DMD: variants seen among roughly 807,000 people sequenced by gnomAD.
The protein encoded by DMD is mutant dystrophin.
DMD carries 63 observed loss-of-function variants against 330.1 expected under a neutral mutation model. That is an observed-to-expected ratio of 0.19 (90% CI 0.16 to 0.24). The LOEUF (loss-of-function observed/expected upper bound fraction) is 0.24, where lower values mean the gene tolerates loss of function less well. Ranked by LOEUF, DMD falls within the 10% of genes least tolerant of loss-of-function variation. DMD has a pLI of 1.00. For missense variants in DMD, 3,344 were observed against 2,684.1 expected, an observed-to-expected ratio of 1.25 and a Z score of -5.43; for synonymous variants, 1,223 against 959.8, an observed-to-expected ratio of 1.27 and a Z score of -5.07.
intron 1 of DMD, among the ~76,000 whole-genome samples, chrX:33,248,045 C>T (rs1603424953): frequency 1.8e-5 from 2 of 110,886 alleles, no homozygotes; most frequent in South Asian, 3.7e-4. Context: ...TATTTATTTA[C>T]TTATTTATTT....
chrX:32,566,555 A>C (rs2149098915), intron 15 of DMD, among the ~76,000 whole-genome samples: 1 of 112,354 alleles, frequency 8.9e-6, no homozygotes, highest in East Asian at 2.8e-4. Flanking sequence ...TAAAAGAACT[A>C]AGTCGCTGGG....
At chrX:32,407,753 G>A (rs1248550157) in intron 30 of DMD, among the ~76,000 whole-genome samples, 1 of 110,199 alleles carries the variant, frequency 9.1e-6, no homozygotes, top group Non-Finnish European at 1.9e-5. Context: ...AATGGATTTA[G>A]AAAATGTGGC....
intron 44 of DMD, among the ~76,000 whole-genome samples, chrX:32,061,839 A>C (rs1039845972): frequency 9.0e-6 from 1 of 111,603 alleles, no homozygotes; most frequent in African/African-American, 3.3e-5. Context: ...AAGGAAACGC[A>C]TAGGAAAAAC....
intron 1 of DMD, among the ~76,000 whole-genome samples, chrX:33,103,788 G>T (rs183560974): frequency 2.7e-5 from 3 of 111,703 alleles, no homozygotes. Flanking sequence ...TTTAAAAAAT[G>T]TAAACTCAGA....
intron 1 of DMD, among the ~76,000 whole-genome samples, chrX:33,072,907 T>C (rs375508180): frequency 1.2e-4 from 13 of 112,003 alleles, no homozygotes; most frequent in Admixed American, 1.1e-3. Context: ...CCTCCTGATT[T>C]ACTGACTAAA....
chrX:32,506,429 A>G (rs1483993648), intron 18 of DMD, among the ~76,000 whole-genome samples: 1 of 110,513 alleles, frequency 9.0e-6, no homozygotes, highest in African/African-American at 3.3e-5. Context: ...CTAAAAAAAA[A>G]AAAAAAAGCC....
intron 44 of DMD, among the ~76,000 whole-genome samples, chrX:32,161,489 C>T (rs892979759): frequency 9.0e-6 from 1 of 111,541 alleles, no homozygotes; most frequent in Admixed American, 9.6e-5. Flanking sequence ...CTTTTATTTA[C>T]ATAATAGCAA....
At position 32,087,031 on chromosome X, in the gene DMD, C is replaced by T. The variant is rs1002739873; in HGVS notation, c.6439-118517G>A. On this transcript the variant is annotated intron_variant, in intron 44 of 78. Coordinates refer to ENST00000357033, the MANE Select transcript of DMD (RefSeq NM_004006.3). Reference sequence around the variant, plus strand: ...AGGTTTTTGATGTTAAGAATTGAAACGAGAGTAGTATCCTTATAAAGCATT... The same window carrying T: ...AGGTTTTTGATGTTAAGAATTGAAATGAGAGTAGTATCCTTATAAAGCATT... Among the ~76,000 whole-genome samples the T allele has an allele frequency of 3.6e-5, 4 of 111,393 alleles. 1 individual carries two copies. The highest frequency in any genetic ancestry group is 9.8e-5 in the African/African-American group (3 of 30,659).
At position 31,399,752 on chromosome X, in the gene DMD, A is replaced by G. The variant is rs1019355936; in HGVS notation, c.9084+44729T>C. Among the ~76,000 whole-genome samples the G allele has an allele frequency of 1.7e-4, 19 of 111,927 alleles. No individual in the cohort carries two copies. In the Admixed American group the frequency reaches 1.7e-3, roughly 10 times the overall value. ...ACTAGCCATAGTGATAAAGATGGAT[A>G]AAAGTCTGGGGACAGGGAGGCTAAT... On this transcript the variant is annotated intron_variant, in intron 60 of 78. Coordinates refer to ENST00000357033, the MANE Select transcript of DMD (RefSeq NM_004006.3).
In DMD at chrX:32,472,223, T is replaced by C; in HGVS notation, c.2890A>G (p.Ile964Val). The change falls in exon 22 of 79, where the codon ATA becomes GTA. Residue 964 changes from isoleucine to valine, a missense_variant. Coordinates refer to ENST00000357033, the MANE Select transcript of DMD (RefSeq NM_004006.3). ...TAGTCGGTGACACTAAGTTGAGGTA[T>C]GGAGAGTTTGGTTTCTGACTGCTGG... ...WVQQSETKLSIPQLSVTDYEI... is the reference protein window; with the variant it reads ...WVQQSETKLSVPQLSVTDYEI... The C allele has an allele frequency of 8.3e-7, 1 of 1,210,713 alleles. No homozygotes were observed. Among genetic ancestry groups the C allele is most frequent in the Admixed American group, 2.2e-5 (1 of 46,001 alleles).
chrX:33,335,215 T>C (rs980872018), intron 1 of DMD, among the ~76,000 whole-genome samples: 11 of 110,229 alleles, frequency 1.0e-4, no homozygotes, highest in Non-Finnish European at 1.7e-4. Context: ...ATGGTGTCCT[T>C]CTAAAATATG....
chrX:32,728,285 T>G (rs1176473599), intron 7 of DMD, among the ~76,000 whole-genome samples: 1 of 112,030 alleles, frequency 8.9e-6, no homozygotes, highest in Non-Finnish European at 1.9e-5. Flanking sequence ...CAAGTCAGTA[T>G]TACACGCATA....
intron 74 of DMD, among the ~76,000 whole-genome samples, chrX:31,154,124 C>T (rs774631072): frequency 7.9e-4 from 88 of 111,112 alleles, no homozygotes; most frequent in Non-Finnish European, 1.2e-3. Context: ...TTATCAATTA[C>T]GCATTTGAAT....
At chrX:32,295,235 T>C (rs2097490638) in intron 42 of DMD, among the ~76,000 whole-genome samples, 1 of 112,111 alleles carries the variant, frequency 8.9e-6, no homozygotes, top group Non-Finnish European at 1.9e-5. Flanking sequence ...CACGAATTTA[T>C]ACAACTCGAG....
chrX:32,459,598 A>T (rs2098375832), intron 25 of DMD, among the ~76,000 whole-genome samples: 1 of 111,301 alleles, frequency 9.0e-6, no homozygotes, highest in Admixed American at 9.6e-5. Flanking sequence ...TAGTCACTCT[A>T]GTAAGCTATT....
intron 7 of DMD, among the ~76,000 whole-genome samples, chrX:32,748,620 ATC>A (rs2070393955): frequency 8.9e-6 from 1 of 111,759 alleles, no homozygotes; most frequent in Non-Finnish European, 1.9e-5. Context: ...TAAGAATGAT[ATC>A]TCAAACCATA....
At chrX:31,131,748 AC>A (rs761079947) in intron 77 of DMD, among the ~76,000 whole-genome samples, 45 of 111,981 alleles carry the variant, frequency 4.0e-4, no homozygotes, top group African/African-American at 1.4e-3. Context: ...AAATTAAAAA[AC>A]AAAAGTGCTT....
intron 11 of DMD, among the ~76,000 whole-genome samples, chrX:32,643,255 G>T (rs1003992321): frequency 2.7e-5 from 3 of 109,791 alleles, no homozygotes; most frequent in African/African-American, 9.9e-5. Context: ...TTAAAAATGT[G>T]TTTTTCCCCT....
intron 64 of DMD, among the ~76,000 whole-genome samples, chrX:31,222,392 C>CAAAAAAAAAAAAA (rs57227723): frequency 4.8e-5 from 1 of 20,621 alleles, no homozygotes; most frequent in Non-Finnish European, 8.7e-5. Flanking sequence ...GACTCCATCT[C>CAAAAAAAAAAAAA]AAAAAAAAAA....
Sources: gnomAD v4.1 joint callset for allele counts (sites outside exome capture counted in the v4.1 genomes callset) on GRCh38, gnomAD v4.1.1 for gene constraint, MANE v1.5 for transcripts, NCBI Gene and HGNC (gene_info 2026-07-23, HGNC 2026-07-21) for gene names.